SEMA3D: variants seen among roughly 807,000 people sequenced by gnomAD.
SEMA3D encodes semaphorin-3D.
A neutral mutation model predicts 100.1 loss-of-function variants in SEMA3D; 84 were observed. That is an observed-to-expected ratio of 0.84 (90% CI 0.70 to 1.01). The LOEUF (loss-of-function observed/expected upper bound fraction) is 1.01, where lower values mean the gene tolerates loss of function less well. Among genes scored for constraint, SEMA3D ranks in the 50% least tolerant of loss-of-function variants. SEMA3D has a pLI of 0.00. For synonymous variants in SEMA3D, 312 were observed against 320.7 expected, an observed-to-expected ratio of 0.97 and a Z score of 0.29; for missense variants, 875 against 934.1, an observed-to-expected ratio of 0.94 and a Z score of 0.82.
the SEMA3D span, among the ~76,000 whole-genome samples, chr7:85,220,728 T>C: frequency 1.7e-4 from 26 of 152,244 alleles, no homozygotes; most frequent in South Asian, 3.9e-3. Context: ...TCTTGCCTGA[T>C]AAAGAAACAG....
chr7:85,099,178 T>G (rs1788668041), intron 3 of SEMA3D, among the ~76,000 whole-genome samples: 2 of 152,022 alleles, frequency 1.3e-5, no homozygotes, highest in African/African-American at 4.8e-5. Flanking sequence ...GGTTTGGCTG[T>G]GTCCCCACCC....
chr7:85,196,683 G>A, the SEMA3D span, among the ~76,000 whole-genome samples: 2 of 152,078 alleles, frequency 1.3e-5, no homozygotes, highest in African/African-American at 2.4e-5. Flanking sequence ...GTATTCAACA[G>A]CTATTAGAGA....
At chr7:85,152,167 A>C (rs1413064369) in intron 2 of SEMA3D, among the ~76,000 whole-genome samples, 1 of 151,954 alleles carries the variant, frequency 6.6e-6, no homozygotes, top group Non-Finnish European at 1.5e-5. Flanking sequence ...AGGGTTCTTT[A>C]ATCTTTGGTT....
chr7:85,106,600 C>T (rs1019134050), intron 3 of SEMA3D, among the ~76,000 whole-genome samples: 1 of 152,100 alleles, frequency 6.6e-6, no homozygotes, highest in Non-Finnish European at 1.5e-5. Flanking sequence ...TGAAACTTCT[C>T]AATTGTGACA....
At chr7:85,051,890 T>C (rs1562797846) in intron 9 of SEMA3D, among the ~76,000 whole-genome samples, 1 of 151,886 alleles carries the variant, frequency 6.6e-6, no homozygotes, top group Non-Finnish European at 1.5e-5. Flanking sequence ...ATCTCTATGA[T>C]AGGAGCAAGA....
At chr7:85,088,760 A>G (rs1338949611) in intron 4 of SEMA3D, among the ~76,000 whole-genome samples, 1 of 152,172 alleles carries the variant, frequency 6.6e-6, no homozygotes, top group African/African-American at 2.4e-5. Flanking sequence ...AGATTTTTAT[A>G]TAAGGGCAGG....
At chr7:85,033,707 A>G in intron 12 of SEMA3D, among the ~76,000 whole-genome samples, 1 of 152,034 alleles carries the variant, frequency 6.6e-6, no homozygotes, top group African/African-American at 2.4e-5. Flanking sequence ...TTTATTAAAA[A>G]CAAATAAAAA....
At chr7:85,181,835 A>C in intron 1 of SEMA3D, 1 of 731,648 alleles carries the variant, frequency 1.4e-6, no homozygotes, top group Non-Finnish European at 1.7e-6. Context: ...ATTATGAAAC[A>C]TGAACATGGA....
chr7:85,207,078 C>A, the SEMA3D span, among the ~76,000 whole-genome samples: 5 of 152,048 alleles, frequency 3.3e-5, no homozygotes, highest in Admixed American at 1.3e-4. Flanking sequence ...TACTTATCAA[C>A]TTGTCCTAGA....
chr7:85,029,736 A>G, intron 12 of SEMA3D: 1 of 257,374 alleles, frequency 3.9e-6, no homozygotes, highest in Non-Finnish European at 7.7e-6. Context: ...TACATAGTTA[A>G]AACACCGAAG....
intron 18 of SEMA3D, among the ~76,000 whole-genome samples, chr7:85,002,852 G>C (rs1296884331): frequency 6.6e-6 from 1 of 152,086 alleles, no homozygotes; most frequent in African/African-American, 2.4e-5. Flanking sequence ...GGACATTTAA[G>C]TATTAAGCAG....
chr7:85,159,444 G>C (rs1464972858), intron 1 of SEMA3D, among the ~76,000 whole-genome samples: 1 of 152,080 alleles, frequency 6.6e-6, no homozygotes, highest in African/African-American at 2.4e-5. Context: ...CCTAATTCAT[G>C]AACCATTACA....
Position 85,094,647 on chromosome 7 carries a change from T to C in SEMA3D, c.312+3158A>G, listed in dbSNP as rs79590945. Among the ~76,000 whole-genome samples the C allele has an allele frequency of 8.2e-3, 1,254 of 152,062 alleles. 11 individuals are homozygous for C. The highest frequency in any genetic ancestry group is 0.015 in the Non-Finnish European group (999 of 67,928). ...GTGTCATAACTGGTAAATACAGTTC[T>C]TGATCCATGTCCTTCTCTTACAATG... On this transcript the variant is annotated intron_variant, in intron 4 of 18. Transcript: ENST00000284136.
At chr7:85,164,298 C>A (rs1178033416) in intron 1 of SEMA3D, among the ~76,000 whole-genome samples, 2 of 152,188 alleles carry the variant, frequency 1.3e-5, no homozygotes, top group East Asian at 3.9e-4. Context: ...GTTATTTAAA[C>A]TAGTTGTTAT....
intron 9 of SEMA3D, among the ~76,000 whole-genome samples, chr7:85,046,734 C>T (rs1289288409): frequency 1.3e-5 from 2 of 151,742 alleles, no homozygotes; most frequent in Non-Finnish European, 2.9e-5. Flanking sequence ...TTTCTCAGTC[C>T]CTGGATTTGT....
At chr7:85,141,789 GA>G in intron 2 of SEMA3D, 2 of 777,648 alleles carry the variant, frequency 2.6e-6, no homozygotes, top group Non-Finnish European at 3.1e-6. Context: ...ATAAATCTGG[GA>G]AAAGGCGGTC....
the SEMA3D span, among the ~76,000 whole-genome samples, chr7:85,196,659 T>G: frequency 6.6e-6 from 1 of 152,102 alleles, no homozygotes; most frequent in South Asian, 2.1e-4. Context: ...TAGAAAAGAC[T>G]TTTCATCTAA....
chr7:85,196,046 A>G, the SEMA3D span, among the ~76,000 whole-genome samples: 1 of 152,224 alleles, frequency 6.6e-6, no homozygotes, highest in African/African-American at 2.4e-5. Context: ...TGGCATATAT[A>G]ACCAAAGATG....
rs1790287918 is a variant in SEMA3D, at chr7:85,022,624, A to G, written c.1192-11T>C. The G allele has an allele frequency of 6.4e-7, 1 of 1,571,458 alleles. No individual in the cohort carries two copies. Among genetic ancestry groups the G allele is most frequent in the African/African-American group, 1.4e-5 (1 of 73,940 alleles). On this transcript the variant is annotated splice_polypyrimidine_tract_variant and intron_variant, in intron 12 of 18. Transcript: ENST00000284136. ...GGTTTTGCTTGGACACTGAAAATAA[A>G]TGTGGAGGAAAGTAAAGACATTGTT...
Sources: gnomAD v4.1 joint callset for allele counts (sites outside exome capture counted in the v4.1 genomes callset) on GRCh38, gnomAD v4.1.1 for gene constraint, MANE v1.5 for transcripts, NCBI Gene and HGNC (gene_info 2026-07-23, HGNC 2026-07-21) for gene names.